Variants in PARD3B observed in about 807,000 individuals in gnomAD.
The protein encoded by PARD3B is par-3 family cell polarity regulator beta, also known as partitioning defective 3 homolog B.
A neutral mutation model predicts 130.2 loss-of-function variants in PARD3B; 103 were observed. The observed-to-expected ratio is 0.79, with a 90% CI of 0.67 to 0.93. The LOEUF is 0.93. PARD3B is among the 40% of genes least tolerant of loss of function. The pLI, the probability that PARD3B is intolerant of heterozygous loss-of-function variation, is 0.00. For missense variants in PARD3B, 1,609 were observed against 1,499.2 expected (o/e 1.07, Z -1.21); for synonymous variants, 583 against 553.2 (o/e 1.05, Z -0.76).
At chr2:205,510,191 A>T (rs2050537261) in intron 21 of PARD3B, among the ~76,000 whole-genome samples, 1 of 152,204 alleles carries the variant, frequency 6.6e-6, no homozygotes, top group Non-Finnish European at 1.5e-5. Context: ...GTCTCCTTGA[A>T]GTACTATGAC....
rs148632759 is a variant in PARD3B at position 204,725,997 on chromosome 2, C to T, written c.222+39715C>T. Among the ~76,000 whole-genome samples, 175 of 152,278 alleles carry T rather than the reference C, an allele frequency of 1.1e-3. 1 individual carries two copies. The highest frequency in any genetic ancestry group is 4.0e-3 in the African/African-American group (168 of 41,566). ...CTGATTGGGAAGCTAAGAAGCAGAA[C>T]GCCACAGTGGCAACCTGTGCAAACA... On this transcript the variant is annotated intron_variant, in intron 2 of 22. Transcript: ENST00000406610.
intron 2 of PARD3B, among the ~76,000 whole-genome samples, chr2:204,787,076 TC>T (rs1465595891): frequency 2.6e-5 from 4 of 151,986 alleles, no homozygotes; most frequent in Non-Finnish European, 5.9e-5. Flanking sequence ...AAAGCAGAAA[TC>T]ATTTTTATTG....
chr2:204,626,301 T>A (rs1354116520), intron 1 of PARD3B, among the ~76,000 whole-genome samples: 2 of 152,164 alleles, frequency 1.3e-5, no homozygotes, highest in African/African-American at 4.8e-5. Context: ...TGGCAGGGAA[T>A]CTGATTTCAA....
At chr2:204,936,090 A>C (rs1163057547) in intron 2 of PARD3B, among the ~76,000 whole-genome samples, 1 of 152,236 alleles carries the variant, frequency 6.6e-6, no homozygotes, top group African/African-American at 2.4e-5. Flanking sequence ...TCTGTTTCCC[A>C]GTGTGCTGTA....
At chr2:204,853,762 A>G (rs2044806311) in intron 2 of PARD3B, among the ~76,000 whole-genome samples, 1 of 152,232 alleles carries the variant, frequency 6.6e-6, no homozygotes, top group Non-Finnish European at 1.5e-5. Context: ...AGTGAATGCA[A>G]TAAATATGAT....
In PARD3B at chr2:204,861,924, C is replaced by CAAAAAAAA. The variant is rs60473341; in HGVS notation, c.223-103208_223-103201dup. On this transcript the variant is annotated intron_variant, in intron 2 of 22. Coordinates refer to ENST00000406610, the MANE Select transcript of PARD3B (RefSeq NM_001302769.2). ...AAGACATTTAAAAGAAGACATTTCTCAAAAAAAAAAAAAAAAAAAAAAAAA... is the reference window on the plus strand; with the variant it reads ...AAGACATTTAAAAGAAGACATTTCTCAAAAAAAAAAAAAAAAAAAAAAAAAAAAAAAAA... Among the ~76,000 whole-genome samples, 29 of 34,078 alleles carry CAAAAAAAA rather than the reference C, an allele frequency of 8.5e-4. 1 individual carries two copies. The highest frequency in any genetic ancestry group is 2.0e-3 in the African/African-American group (23 of 11,384). The allele number at this position is 34,078 out of a possible 152,430, so 22.4% of individuals were successfully genotyped here. A position where few individuals can be genotyped will look rare whatever the true frequency, so the allele number is the denominator to read the frequency against.
intron 18 of PARD3B, among the ~76,000 whole-genome samples, chr2:205,376,346 T>C (rs143199564): frequency 1.1e-4 from 16 of 152,152 alleles, no homozygotes; most frequent in African/African-American, 3.9e-4. Flanking sequence ...AAAACAAGTG[T>C]CGACATCCCT....
intron 2 of PARD3B, among the ~76,000 whole-genome samples, chr2:204,700,428 C>A (rs2037835474): frequency 6.6e-6 from 1 of 152,080 alleles, no homozygotes; most frequent in South Asian, 2.1e-4. Flanking sequence ...GTCAGTAGCA[C>A]ACCTTATATG....
At chr2:204,549,061 C>A (rs1314979183) in intron 1 of PARD3B, among the ~76,000 whole-genome samples, 2 of 152,180 alleles carry the variant, frequency 1.3e-5, no homozygotes, top group Middle Eastern at 3.2e-3. Context: ...GTAACCACTA[C>A]CTGTTGAGAA....
intron 20 of PARD3B, among the ~76,000 whole-genome samples, chr2:205,476,365 A>G (rs2049022178): frequency 6.6e-6 from 1 of 152,082 alleles, no homozygotes; most frequent in Non-Finnish European, 1.5e-5. Flanking sequence ...TTTTTTCTTA[A>G]AAGAATCACC....
chr2:205,330,429 A>C (rs1303477773), intron 18 of PARD3B, among the ~76,000 whole-genome samples: 1 of 152,248 alleles, frequency 6.6e-6, no homozygotes, highest in African/African-American at 2.4e-5. Context: ...TTGCAACAAC[A>C]GCCAGCCCTC....
At chr2:204,743,984 A>G (rs2040114228) in intron 2 of PARD3B, among the ~76,000 whole-genome samples, 1 of 152,180 alleles carries the variant, frequency 6.6e-6, no homozygotes, top group Non-Finnish European at 1.5e-5. Flanking sequence ...AACAAAACCC[A>G]AAGGTAGGCA....
At chr2:205,170,573 G>T (rs1576051250) in intron 11 of PARD3B, among the ~76,000 whole-genome samples, 1 of 152,178 alleles carries the variant, frequency 6.6e-6, no homozygotes, top group South Asian at 2.1e-4. Flanking sequence ...AGCAGGCGGC[G>T]TGGGCAGTGT....
At chr2:204,998,358 A>ATATATATATGTGTGTG (rs1400529301) in intron 3 of PARD3B, among the ~76,000 whole-genome samples, 1 of 69,874 alleles carries the variant, frequency 1.4e-5, no homozygotes, top group African/African-American at 6.8e-5. Flanking sequence ...ATATATATAT[A>ATATATATATGTGTGTG]TGTGTGTGTG....
rs115042143 is a variant in PARD3B at position 205,293,185 on chromosome 2, A to G, written c.2186-7345A>G. On this transcript the variant is annotated intron_variant, in intron 16 of 22. Transcript: ENST00000406610. ...CTATACAATATGTAAAGATACATTC[A>G]TATATGTACCCTCCAAGAAATCAAT... Among the ~76,000 whole-genome samples, 1,266 of 152,318 alleles carry G rather than the reference A, an allele frequency of 8.3e-3. 23 individuals carry two copies. The highest frequency in any genetic ancestry group is 0.028 in the African/African-American group (1,184 of 41,570).
chr2:204,801,753 G>A (rs998724535), intron 2 of PARD3B, among the ~76,000 whole-genome samples: 3 of 152,174 alleles, frequency 2.0e-5, no homozygotes, highest in Non-Finnish European at 2.9e-5. Flanking sequence ...TTGAATAGGA[G>A]TGGTGAGAGA....
chr2:204,730,832 A>G (rs1016974201), intron 2 of PARD3B, among the ~76,000 whole-genome samples: 1 of 152,156 alleles, frequency 6.6e-6, no homozygotes, highest in African/African-American at 2.4e-5. Context: ...ACATCCCTTT[A>G]TCTGTGCCAT....
chr2:204,886,218 G>A (rs1338147637), intron 2 of PARD3B, among the ~76,000 whole-genome samples: 2 of 152,168 alleles, frequency 1.3e-5, no homozygotes, highest in African/African-American at 4.8e-5. Flanking sequence ...TCTACCGAAT[G>A]GGATATGAGG....
intron 18 of PARD3B, among the ~76,000 whole-genome samples, chr2:205,307,043 A>C (rs1225058549): frequency 6.6e-6 from 1 of 152,232 alleles, no homozygotes; most frequent in East Asian, 1.9e-4. Context: ...TATACCATGT[A>C]GAATGGCACC....
Sources: gnomAD v4.1 joint callset for allele counts (sites outside exome capture counted in the v4.1 genomes callset) on GRCh38, gnomAD v4.1.1 for gene constraint, MANE v1.5 for transcripts, NCBI Gene and HGNC (gene_info 2026-07-23, HGNC 2026-07-21) for gene names.